MAN1C1: variants seen among roughly 807,000 people sequenced by gnomAD.
MAN1C1 encodes mannosyl-oligosaccharide 1,2-alpha-mannosidase IC.
Under a neutral mutation model 71.5 loss-of-function variants are expected in MAN1C1, and 49 were observed. The ratio of observed to expected loss-of-function variants is 0.69; its 90% CI spans 0.54 to 0.87. The LOEUF (loss-of-function observed/expected upper bound fraction) is 0.87. Ranked by LOEUF, MAN1C1 falls within the 40% of genes least tolerant of loss-of-function variation. MAN1C1 has a pLI of 0.00. For missense variants in MAN1C1, 743 were observed against 835.0 expected (o/e 0.89, Z 1.36); for synonymous variants, 352 against 343.7 (o/e 1.02, Z -0.27).
In MAN1C1 at chr1:25,782,401, G is replaced by A. The variant is rs971916232; in HGVS notation, c.1651-184G>A. On this transcript the variant is annotated intron_variant, in intron 10 of 11. Coordinates refer to ENST00000374332, the MANE Select transcript of MAN1C1 (RefSeq NM_020379.4). This position sits in a 1 kb window ranked among gnomAD's most constrained non-coding sequence, Gnocchi z 4.4. ...GTGTGGCCCCTCCAGCCTGGGGACA[G>A]GTGGCTAAACCCCGAAAGAATAATT... Among the ~76,000 whole-genome samples the A allele has an allele frequency of 6.6e-6, 1 of 152,172 alleles. No homozygotes were observed. The highest frequency in any genetic ancestry group is 2.4e-5 in the African/African-American group (1 of 41,444).
chr1:25,622,020 C>T (rs765060940), intron 1 of MAN1C1, among the ~76,000 whole-genome samples: 4 of 152,152 alleles, frequency 2.6e-5, no homozygotes, highest in Non-Finnish European at 5.9e-5. Flanking sequence ...GCACTGAGAA[C>T]GCGGTACTGG....
At chr1:25,718,601 GCCATCC>G (rs927474148) in intron 2 of MAN1C1, among the ~76,000 whole-genome samples, 4 of 152,082 alleles carry the variant, frequency 2.6e-5, no homozygotes, top group African/African-American at 9.7e-5. Context: ...CATTTCCACT[GCCATCC>G]CCAGGCAGCC....
At chr1:25,623,774 G>C (rs1023240056) in intron 1 of MAN1C1, among the ~76,000 whole-genome samples, 2 of 152,206 alleles carry the variant, frequency 1.3e-5, no homozygotes, top group Non-Finnish European at 2.9e-5. Flanking sequence ...AGTTGAATCT[G>C]TGTTAGAGGA....
Position 25,753,378 on chromosome 1 carries a change from TC to T in MAN1C1, c.835-105del. 1.3e-6 allele frequency: 1 copy of T among 761,696 alleles called. No homozygotes were observed. Among genetic ancestry groups the T allele is most frequent in the East Asian group, 2.9e-5 (1 of 34,854 alleles). 47.2% of individuals were successfully genotyped at this position (761,696 alleles called of 1,614,324 possible). On this transcript the variant is annotated intron_variant, in intron 4 of 11. Coordinates refer to ENST00000374332, the MANE Select transcript of MAN1C1 (RefSeq NM_020379.4). The surrounding 1 kb of genome is among the most constrained non-coding windows in gnomAD (Gnocchi z 4.9). The stretch of plus-strand genomic sequence containing the variant: ...GGTGGACTGCAGCACTGCCCCCTAC[TC>T]TAGACCTGCAGCCCTGGGGGGTTCA...
chr1:25,647,754 C>A (rs1357539130), intron 1 of MAN1C1, among the ~76,000 whole-genome samples: 1 of 151,994 alleles, frequency 6.6e-6, no homozygotes, highest in Non-Finnish European at 1.5e-5. Context: ...TGGGGAAGAG[C>A]GATGGGGGAA....
chr1:25,650,950 T>C (rs1462303699), intron 1 of MAN1C1, among the ~76,000 whole-genome samples: 1 of 152,210 alleles, frequency 6.6e-6, no homozygotes, highest in East Asian at 1.9e-4. Context: ...TCCAGGCTTA[T>C]TTTTAAACTT....
At chr1:25,701,594 T>C (rs1205803290) in intron 2 of MAN1C1, among the ~76,000 whole-genome samples, 1 of 152,228 alleles carries the variant, frequency 6.6e-6, no homozygotes, top group Admixed American at 6.5e-5. Flanking sequence ...TCAACTTACC[T>C]TGTGCAGCAA....
At chr1:25,681,292 G>A (rs2046149956) in intron 1 of MAN1C1, among the ~76,000 whole-genome samples, 2 of 152,030 alleles carry the variant, frequency 1.3e-5, no homozygotes, top group Non-Finnish European at 2.9e-5. Flanking sequence ...AATTAGCAAA[G>A]GAAACAGTGG....
At chr1:25,736,519 T>C (rs956955940) in intron 2 of MAN1C1, among the ~76,000 whole-genome samples, 1 of 152,058 alleles carries the variant, frequency 6.6e-6, no homozygotes, top group African/African-American at 2.4e-5. Context: ...CATTGTCCCA[T>C]TTTACTTTGT....
At chr1:25,619,356 G>C (rs1396278547) in intron 1 of MAN1C1, among the ~76,000 whole-genome samples, 1 of 152,172 alleles carries the variant, frequency 6.6e-6, no homozygotes, top group Non-Finnish European at 1.5e-5. Context: ...CTTCTGCCTG[G>C]ACTTCTTGAT....
intron 1 of MAN1C1, among the ~76,000 whole-genome samples, chr1:25,673,308 C>T (rs1185255918): frequency 6.6e-6 from 1 of 152,114 alleles, no homozygotes; most frequent in Non-Finnish European, 1.5e-5. Context: ...ATCCTTGCAG[C>T]ACCCAGAGAA....
rs910931172 is a variant in MAN1C1 at position 25,778,391 on chromosome 1, C to T, written c.1477+67C>T. ...TAGACACCAGGAAGAACTGGAAAGA[C>T]CGGCAGCAGTGAGCGAAGGGAGCAC... On this transcript the variant is annotated intron_variant, in intron 9 of 11. Transcript: ENST00000374332. This position sits in a 1 kb window ranked among gnomAD's most constrained non-coding sequence, Gnocchi z 5.5. The T allele has an allele frequency of 6.7e-7, 1 of 1,488,298 alleles. No individual in the cohort carries two copies. Among genetic ancestry groups the T allele is most frequent in the Admixed American group, 2.1e-5 (1 of 46,670 alleles). The allele number at this position is 1,488,298 out of a possible 1,614,324, so 92.2% of individuals were successfully genotyped here.
chr1:25,680,132 G>A (rs773279903), intron 1 of MAN1C1, among the ~76,000 whole-genome samples: 1 of 151,544 alleles, frequency 6.6e-6, no homozygotes, highest in Non-Finnish European at 1.5e-5. Flanking sequence ...GCGCAATCTC[G>A]GCTCACTACA....
intron 1 of MAN1C1, among the ~76,000 whole-genome samples, chr1:25,637,925 G>A (rs1435857662): frequency 3.3e-5 from 5 of 150,238 alleles, no homozygotes; most frequent in African/African-American, 1.2e-4. Context: ...TAACCCATTT[G>A]TATCTTTGTA....
At chr1:25,702,634 C>A (rs2046462079) in intron 2 of MAN1C1, among the ~76,000 whole-genome samples, 1 of 152,174 alleles carries the variant, frequency 6.6e-6, no homozygotes, top group Non-Finnish European at 1.5e-5. Context: ...GGCTGTGTGA[C>A]CTGGGGCAAG....
chr1:25,671,934 AT>A (rs1441191510), intron 1 of MAN1C1, among the ~76,000 whole-genome samples: 14 of 152,164 alleles, frequency 9.2e-5, no homozygotes, highest in Non-Finnish European at 1.9e-4. Flanking sequence ...GGTGGGACTT[AT>A]TAGGGGAATT....
chr1:25,636,014 C>T (rs2045455044), intron 1 of MAN1C1, among the ~76,000 whole-genome samples: 1 of 152,150 alleles, frequency 6.6e-6, no homozygotes, highest in Admixed American at 6.5e-5. Context: ...ACCTGAGCCA[C>T]AAGACCAGCA....
chr1:25,769,081 C>CACT lies in MAN1C1; in HGVS notation c.1142-2574_1142-2573insTAC. ...TACACACCACCCACACTCCCACACA[C>CACT]ACACCTATCACCCACACTCCCTCCC... On this transcript the variant is annotated intron_variant, in intron 7 of 11. Coordinates refer to ENST00000374332, the MANE Select transcript of MAN1C1 (RefSeq NM_020379.4). The surrounding 1 kb of genome is among the most constrained non-coding windows in gnomAD (Gnocchi z 4.8). Among the ~76,000 whole-genome samples, 1 of 146,528 alleles carries CACT rather than the reference C, an allele frequency of 6.8e-6. No individual in the cohort carries two copies. The highest frequency in any genetic ancestry group is 2.2e-4 in the South Asian group (1 of 4,470).
At chr1:25,755,071 G>A (rs545362499) in intron 5 of MAN1C1, among the ~76,000 whole-genome samples, 21 of 152,290 alleles carry the variant, frequency 1.4e-4, no homozygotes, top group Non-Finnish European at 2.4e-4. Flanking sequence ...GGCAGGGCTC[G>A]CTGTGGGCAG....
Sources: allele counts gnomAD v4.1 joint callset (sites outside exome capture counted in the v4.1 genomes callset), GRCh38; gene constraint gnomAD v4.1.1; non-coding constraint Gnocchi (gnomAD v3.1); transcripts MANE v1.5; gene names NCBI Gene and HGNC (gene_info 2026-07-23, HGNC 2026-07-21).